The following KCNIP1 variants were observed in gnomAD, a reference collection of about 807,000 sequenced individuals.
The protein encoded by KCNIP1 is A-type potassium channel modulatory protein KCNIP1.
Under a neutral mutation model 33.0 loss-of-function variants are expected in KCNIP1, and 18 were observed. The observed-to-expected ratio is 0.55, with a 90% confidence interval of 0.38 to 0.81. KCNIP1 has a LOEUF of 0.81. Among genes scored for constraint, KCNIP1 ranks in the 30% least tolerant of loss-of-function variants. KCNIP1 has a pLI of 0.00. For missense variants in KCNIP1, 238 were observed against 271.6 expected, an observed-to-expected ratio of 0.88 and a Z score of 0.87; for synonymous variants, 93 against 98.3, an observed-to-expected ratio of 0.95 and a Z score of 0.32.
intron 5 of KCNIP1, among the ~76,000 whole-genome samples, chr5:170,728,211 GTAACACGCGGAGAT>G (rs1364375387): frequency 6.6e-6 from 1 of 152,068 alleles, no homozygotes; most frequent in African/African-American, 2.4e-5. Flanking sequence ...ATACTTTATG[GTAACACGCGGAGAT>G]TCTCACTGAA....
At chr5:170,594,928 G>A (rs894823990) in intron 1 of KCNIP1, among the ~76,000 whole-genome samples, 3 of 152,170 alleles carry the variant, frequency 2.0e-5, no homozygotes, top group Admixed American at 6.5e-5. Context: ...GCTCCTGTTG[G>A]GTTTCTCGTG....
At chr5:170,626,440 G>T (rs928160240) in intron 1 of KCNIP1, among the ~76,000 whole-genome samples, 1 of 152,194 alleles carries the variant, frequency 6.6e-6, no homozygotes, top group Admixed American at 6.5e-5. Context: ...CCATGGCACC[G>T]TGAGCAGGTG....
intron 1 of KCNIP1, among the ~76,000 whole-genome samples, chr5:170,674,598 A>T (rs1236118111): frequency 6.6e-6 from 1 of 152,200 alleles, no homozygotes; most frequent in Non-Finnish European, 1.5e-5. Context: ...GATGTGATGG[A>T]GAATGAAGAA....
chr5:170,576,362 C>T (rs2113503163), intron 1 of KCNIP1, among the ~76,000 whole-genome samples: 1 of 152,284 alleles, frequency 6.6e-6, no homozygotes, highest in South Asian at 2.1e-4. Flanking sequence ...CTTCTAAGAC[C>T]TAGCCTCAGA....
intron 1 of KCNIP1, among the ~76,000 whole-genome samples, chr5:170,392,058 T>C (rs1305377249): frequency 6.6e-6 from 1 of 152,152 alleles, no homozygotes; most frequent in Non-Finnish European, 1.5e-5. Context: ...GGCTAAGTCA[T>C]AGACGGGGGC....
chr5:170,364,009 T>C (rs1763587941), intron 1 of KCNIP1, among the ~76,000 whole-genome samples: 1 of 151,544 alleles, frequency 6.6e-6, no homozygotes, highest in Non-Finnish European at 1.5e-5. Flanking sequence ...TCTTTTTTTT[T>C]TTTTTTTTTG....
intron 1 of KCNIP1, among the ~76,000 whole-genome samples, chr5:170,625,808 G>A (rs1271487343): frequency 1.3e-5 from 2 of 152,178 alleles, no homozygotes; most frequent in African/African-American, 4.8e-5. Context: ...TAGAAACGCG[G>A]TAAAACATGA....
chr5:170,430,283 C>T (rs1755712594), intron 1 of KCNIP1, among the ~76,000 whole-genome samples: 1 of 152,202 alleles, frequency 6.6e-6, no homozygotes, highest in Non-Finnish European at 1.5e-5. Context: ...CTGAAGGCCC[C>T]CATTCCATTT....
chr5:170,674,816 G>A (rs576698740), intron 1 of KCNIP1, among the ~76,000 whole-genome samples: 2 of 152,256 alleles, frequency 1.3e-5, no homozygotes, highest in South Asian at 4.1e-4. Flanking sequence ...AGTCTCCATG[G>A]AGCTGACTTT....
chr5:170,695,171 G>T (rs892299322), intron 1 of KCNIP1, among the ~76,000 whole-genome samples: 3 of 152,080 alleles, frequency 2.0e-5, no homozygotes, highest in Admixed American at 6.5e-5. Context: ...CCATCCCCCG[G>T]CCACCCAACA....
At chr5:170,631,970 C>G (rs928062887) in intron 1 of KCNIP1, among the ~76,000 whole-genome samples, 4 of 152,246 alleles carry the variant, frequency 2.6e-5, no homozygotes, top group Non-Finnish European at 4.4e-5. Context: ...GTGGACCTCC[C>G]CTTCCCGGCT....
At chr5:170,661,868 A>ATCTT (rs1761507308) in intron 1 of KCNIP1, among the ~76,000 whole-genome samples, 1 of 152,192 alleles carries the variant, frequency 6.6e-6, no homozygotes, top group Non-Finnish European at 1.5e-5. Context: ...GAGCTCACAC[A>ATCTT]TCTTTCCAAA....
intron 1 of KCNIP1, among the ~76,000 whole-genome samples, chr5:170,587,532 CT>C (rs1383477730): frequency 6.6e-6 from 1 of 151,380 alleles, no homozygotes; most frequent in Non-Finnish European, 1.5e-5. Flanking sequence ...TGTTGTAGTG[CT>C]GTGTTCCTTC....
At chr5:170,621,423 G>C (rs1488086688) in intron 1 of KCNIP1, among the ~76,000 whole-genome samples, 1 of 152,202 alleles carries the variant, frequency 6.6e-6, no homozygotes, top group East Asian at 1.9e-4. Flanking sequence ...TCCCCACAGA[G>C]TGTGGTGTGG....
chr5:170,721,802 C>T (rs367795623), intron 3 of KCNIP1, 31 bp from the exon 4 acceptor site: 2 of 1,614,068 alleles, frequency 1.2e-6, no homozygotes, highest in African/African-American at 2.7e-5. Flanking sequence ...ATTCCTGCCC[C>T]CATCACCTGC....
intron 6 of KCNIP1, 51 bp downstream of exon 6, chr5:170,732,955 C>A: frequency 1.8e-6 from 2 of 1,119,508 alleles, no homozygotes; most frequent in South Asian, 1.3e-5. Context: ...TAGATCAAGT[C>A]AACCCACGAG....
chr5:170,594,321 A>G (rs2113561759), intron 1 of KCNIP1, among the ~76,000 whole-genome samples: 1 of 152,280 alleles, frequency 6.6e-6, no homozygotes, highest in African/African-American at 2.4e-5. Flanking sequence ...ACACCTCAGG[A>G]AGTGTCCCAT....
At chr5:170,382,766 A>C (rs1443287497) in intron 1 of KCNIP1, 1 of 149,962 alleles carries the variant, frequency 6.7e-6, no homozygotes, top group Non-Finnish European at 1.5e-5. Context: ...TGTCAGCTGG[A>C]AAACATCCCC....
At chr5:170,422,796 CAA>C (rs1755526386) in intron 1 of KCNIP1, 1 of 152,164 alleles carries the variant, frequency 6.6e-6, no homozygotes, top group African/African-American at 2.4e-5. Context: ...TCCCAAAGGA[CAA>C]AGAGTATGCA....
Sources: allele counts gnomAD v4.1 joint callset (sites outside exome capture counted in the v4.1 genomes callset), GRCh38; gene constraint gnomAD v4.1.1; transcripts MANE v1.5; gene names NCBI Gene and HGNC (gene_info 2026-07-23, HGNC 2026-07-21).